UIMC1: variants seen among roughly 807,000 people sequenced by gnomAD.
The protein encoded by UIMC1 is BRCA1-A complex subunit RAP80.
Under a neutral mutation model 84.9 loss-of-function variants are expected in UIMC1, and 42 were observed. That is an observed-to-expected ratio of 0.49 (90% CI 0.39 to 0.64). UIMC1 has a LOEUF of 0.64. UIMC1 is among the 30% of genes least tolerant of loss of function. The probability of loss-of-function intolerance (pLI) is 0.00; values close to 1 mark genes in which losing one functional copy is unlikely to be tolerated. For missense variants in UIMC1, 825 were observed against 847.6 expected (o/e 0.97, Z 0.33); for synonymous variants, 281 against 293.0 (o/e 0.96, Z 0.42).
chr5:176,923,646 T>G (rs1281857543), intron 10 of UIMC1, among the ~76,000 whole-genome samples: 1 of 150,178 alleles, frequency 6.7e-6, no homozygotes, highest in Non-Finnish European at 1.5e-5. Context: ...GACAGATCAC[T>G]TGAGGTCAGC....
chr5:176,942,445 A>G (rs547408438), intron 10 of UIMC1, among the ~76,000 whole-genome samples: 2 of 152,244 alleles, frequency 1.3e-5, no homozygotes, highest in South Asian at 4.1e-4. Flanking sequence ...ATACGTTAAA[A>G]GATGGGCCAG....
rs183921227 is a variant in UIMC1 at position 176,912,561 on chromosome 5, C to T, written c.1598-1172G>A. On this transcript the variant is annotated intron_variant, in intron 10 of 14. Transcript: ENST00000511320. ...AATCTCAGCTCACTGCAACCTCTGCCTCCCGAGTTCAAGTGATTCTCCTGC... is the reference window on the plus strand; with the variant it reads ...AATCTCAGCTCACTGCAACCTCTGCTTCCCGAGTTCAAGTGATTCTCCTGC... Among the ~76,000 whole-genome samples, 121 of 151,820 alleles carry T rather than the reference C, an allele frequency of 8.0e-4. 1 individual carries two copies. Among genetic ancestry groups the T allele is most frequent in the Non-Finnish European group, 8.4e-4 (57 of 67,966 alleles).
At chr5:176,951,812 T>G (rs1765914383) in intron 8 of UIMC1, among the ~76,000 whole-genome samples, 1 of 152,200 alleles carries the variant, frequency 6.6e-6, no homozygotes, top group African/African-American at 2.4e-5. Flanking sequence ...GTATACCATT[T>G]ATATACTACC....
intron 10 of UIMC1, among the ~76,000 whole-genome samples, chr5:176,941,348 T>G (rs1022041989): frequency 6.6e-6 from 1 of 152,104 alleles, no homozygotes; most frequent in African/African-American, 2.4e-5. Context: ...GAATAATATA[T>G]AGAGAGAGCT....
intron 1 of UIMC1, among the ~76,000 whole-genome samples, chr5:176,991,042 C>T (rs961099082): frequency 1.3e-5 from 2 of 151,858 alleles, no homozygotes; most frequent in African/African-American, 4.8e-5. Context: ...GAGTCTCGCT[C>T]TTTCGCCCAG....
intron 10 of UIMC1, among the ~76,000 whole-genome samples, chr5:176,912,821 G>T (rs1760428914): frequency 6.6e-6 from 1 of 151,886 alleles, no homozygotes; most frequent in Non-Finnish European, 1.5e-5. Context: ...CGCCCGCCAC[G>T]ACGCCCAGCT....
chr5:176,938,719 C>A (rs1001012550), intron 10 of UIMC1, among the ~76,000 whole-genome samples: 14 of 152,182 alleles, frequency 9.2e-5, no homozygotes, highest in Admixed American at 7.2e-4. Flanking sequence ...CAGACCTAAC[C>A]AGCCTGCAAA....
chr5:176,977,540 G>A (rs1217910641), intron 2 of UIMC1, among the ~76,000 whole-genome samples: 1 of 140,138 alleles, frequency 7.1e-6, no homozygotes, highest in Non-Finnish European at 1.5e-5. Flanking sequence ...ACGTCACTGT[G>A]CCACTGCACT....
chr5:176,912,483 T>G (rs1437142525), intron 10 of UIMC1, among the ~76,000 whole-genome samples: 5 of 150,736 alleles, frequency 3.3e-5, no homozygotes, highest in African/African-American at 1.2e-4. Flanking sequence ...TGTTTTTTTT[T>G]TTTTTTGAGA....
chr5:177,005,236 A>G (rs1472047302), intron 1 of UIMC1, among the ~76,000 whole-genome samples: 1 of 151,448 alleles, frequency 6.6e-6, no homozygotes, highest in African/African-American at 2.4e-5. Context: ...ACCACACTCT[A>G]ATAATTTTTT....
chr5:176,970,271 CAAAAAAAAAA>C (rs57976266), intron 4 of UIMC1: 2 of 78,036 alleles, frequency 2.6e-5, no homozygotes, highest in South Asian at 2.8e-4. Flanking sequence ...GACTCCATCT[CAAAAAAAAAA>C]AAAAAAAAAA....
chr5:177,000,213 C>T (rs1327843492), intron 1 of UIMC1, among the ~76,000 whole-genome samples: 3 of 152,182 alleles, frequency 2.0e-5, no homozygotes, highest in African/African-American at 7.2e-5. Flanking sequence ...CTCGGCCTCC[C>T]AAAGTGCTGG....
intron 3 of UIMC1, among the ~76,000 whole-genome samples, chr5:176,974,523 A>AG (rs2149491270): frequency 6.6e-6 from 1 of 152,292 alleles, no homozygotes; most frequent in African/African-American, 2.4e-5. Context: ...ACCATAAAAG[A>AG]GAAAAAAATG....
chr5:176,977,853 G>C (rs907234065), intron 2 of UIMC1, among the ~76,000 whole-genome samples: 1 of 151,764 alleles, frequency 6.6e-6, no homozygotes, highest in African/African-American at 2.4e-5. Context: ...AGAGGTTGCA[G>C]TGAGCTGATA....
At chr5:176,906,210 G>T (rs1759348476) in intron 13 of UIMC1, 163 bp from the exon 14 acceptor site, 2 of 614,604 alleles carry the variant, frequency 3.3e-6, no homozygotes, top group Admixed American at 2.9e-5. Context: ...GAGCATTAGT[G>T]TCCAACAGAC....
intron 10 of UIMC1, among the ~76,000 whole-genome samples, chr5:176,912,086 T>TGCC (rs961694698): frequency 2.5e-4 from 38 of 152,376 alleles, no homozygotes; most frequent in African/African-American, 9.1e-4. Flanking sequence ...CTTCAAACTC[T>TGCC]GCCTTCTTTC....
At chr5:176,985,234 T>G (rs188059304) in intron 1 of UIMC1, among the ~76,000 whole-genome samples, 24 of 152,078 alleles carry the variant, frequency 1.6e-4, no homozygotes, top group Admixed American at 1.4e-3. Flanking sequence ...GGCAGGTGGA[T>G]CATTTGACGT....
chr5:177,000,252 C>A (rs1412568557), intron 1 of UIMC1, among the ~76,000 whole-genome samples: 1 of 152,170 alleles, frequency 6.6e-6, no homozygotes, highest in Non-Finnish European at 1.5e-5. Context: ...CCGCGCCCGG[C>A]ATACTTTTAG....
At chr5:176,999,244 T>G (rs1463365475) in intron 1 of UIMC1, among the ~76,000 whole-genome samples, 1 of 152,210 alleles carries the variant, frequency 6.6e-6, no homozygotes, top group African/African-American at 2.4e-5. Flanking sequence ...ATTTTAGTTT[T>G]TAGCATATAA....
Sources: gnomAD v4.1 joint callset for allele counts (sites outside exome capture counted in the v4.1 genomes callset) on GRCh38, gnomAD v4.1.1 for gene constraint, MANE v1.5 for transcripts, NCBI Gene and HGNC (gene_info 2026-07-23, HGNC 2026-07-21) for gene names.